The following SNED1 variants were observed in gnomAD, a reference collection of about 807,000 sequenced individuals.
The protein encoded by SNED1 is sushi, nidogen and EGF-like domain-containing protein 1.
SNED1 carries 81 observed loss-of-function variants against 166.7 expected under a neutral mutation model. The observed-to-expected ratio is 0.49, with a 90% CI of 0.41 to 0.58. The LOEUF (loss-of-function observed/expected upper bound fraction) is 0.58. Among genes scored for constraint, SNED1 ranks in the 20% least tolerant of loss-of-function variants. The probability of loss-of-function intolerance (pLI) is 0.00; values close to 1 mark genes in which losing one functional copy is unlikely to be tolerated. For missense variants in SNED1, 1,604 were observed against 2,000.2 expected (o/e 0.80, Z 3.78); for synonymous variants, 762 against 822.0 (o/e 0.93, Z 1.25).
chr2:241,030,310 C>T lies in SNED1; in HGVS notation c.240C>T (p.Phe80=), dbSNP rs368236327. 1 of 1,598,754 alleles carries T rather than the reference C, an allele frequency of 6.3e-7. No homozygotes were observed. The highest frequency in any genetic ancestry group is 8.5e-7 in the Non-Finnish European group (1 of 1,171,310). ...TGAACAACAACGGGATCATCTCCTT[C>T]CTGAAGGAGGTTTCTCAGTTCACCC... ...LYVNNNGIIS[F]LKEVSQFTPV... Residue 80 remains phenylalanine (F), a synonymous_variant, in exon 2 of 32, where the codon TTC becomes TTT. Coordinates refer to ENST00000310397, the MANE Select transcript of SNED1 (RefSeq NM_001080437.3).
At chr2:241,083,471 G>A (rs936889327) in intron 29 of SNED1, among the ~76,000 whole-genome samples, 3 of 152,240 alleles carry the variant, frequency 2.0e-5, no homozygotes, top group Admixed American at 2.0e-4. Context: ...TGGAGAATGG[G>A]ATGTAGACGG....
chr2:241,044,056 A>G (rs2061583382), intron 8 of SNED1, among the ~76,000 whole-genome samples: 1 of 152,236 alleles, frequency 6.6e-6, no homozygotes, highest in African/African-American at 2.4e-5. Flanking sequence ...GAAAAATAAT[A>G]ATAAAGAATT....
At chr2:241,088,774 G>C (rs1053248200) in intron 31 of SNED1, 1 of 274,020 alleles carries the variant, frequency 3.6e-6, no homozygotes, top group African/African-American at 2.2e-5. Context: ...GCACCTGGGA[G>C]GAGGGGCCAC....
intron 31 of SNED1, 33 bp downstream of exon 31, chr2:241,088,435 A>G: frequency 6.3e-7 from 1 of 1,582,058 alleles, no homozygotes; most frequent in Non-Finnish European, 8.7e-7. Context: ...CCACTACCAC[A>G]GAGCTGCTGG....
At chr2:241,066,228 G>A (rs535159382) in intron 21 of SNED1, among the ~76,000 whole-genome samples, 5 of 152,264 alleles carry the variant, frequency 3.3e-5, no homozygotes, top group East Asian at 1.9e-4. Flanking sequence ...GGGGAGGCCC[G>A]GGTTGTGCAC....
In SNED1 at chr2:240,999,613, TG is replaced by T. The variant is rs1428213850; in HGVS notation, c.213+564del. Among the ~76,000 whole-genome samples the T allele has an allele frequency of 6.6e-6, 1 of 152,172 alleles. No homozygotes were observed. The highest frequency in any genetic ancestry group is 6.5e-5 in the Admixed American group (1 of 15,280). Reference sequence around the variant, plus strand: ...GGCTAGCAACAGGCTTGCCCCTCCCTGCCGTCCTCTCCGCAGTCTGGGGGCT... The same window carrying T: ...GGCTAGCAACAGGCTTGCCCCTCCCTCCGTCCTCTCCGCAGTCTGGGGGCT... On this transcript the variant is annotated intron_variant, in intron 1 of 31. Transcript: ENST00000310397. The surrounding 1 kb of genome is among the most constrained non-coding windows in gnomAD (Gnocchi z 5.8).
chr2:241,005,359 AC>A (rs1258861535), intron 1 of SNED1, among the ~76,000 whole-genome samples: 5 of 151,472 alleles, frequency 3.3e-5, no homozygotes, highest in Non-Finnish European at 4.4e-5. Flanking sequence ...GCCCACCATC[AC>A]CCCCAGCTAA....
chr2:240,999,269 C>T lies in SNED1; in HGVS notation c.213+219C>T, dbSNP rs1339868319. Among the ~76,000 whole-genome samples the T allele has an allele frequency of 3.3e-5, 5 of 149,430 alleles. No individual in the cohort carries two copies. Among genetic ancestry groups the T allele is most frequent in the Non-Finnish European group, 7.4e-5 (5 of 67,120 alleles). On this transcript the variant is annotated intron_variant, in intron 1 of 31. Transcript: ENST00000310397. The surrounding 1 kb of genome is among the most constrained non-coding windows in gnomAD (Gnocchi z 5.8). ...GGCGGGGGCGGCAGCCGCCGGGCAC[C>T]GAGGCGGGGGCGAGTGGAGCGCGGC...
rs921570374 is a variant in SNED1, at chr2:241,069,940, C to T, written c.3328C>T (p.Leu1110=). Residue 1110 remains leucine (L), a synonymous_variant, in exon 24 of 32, where the codon CTG becomes TTG. Transcript: ENST00000310397. The surrounding 1 kb of genome is among the most constrained non-coding windows in gnomAD (Gnocchi z 4.9). ...VWTRPLPPAN[L]TAARVTATSA... ...TCCAGGGCCCCTGCCTCCAGCAAAC[C>T]TGACCGCCGCCCGAGTCACTGCCAC... The T allele has an allele frequency of 1.9e-6, 3 of 1,612,622 alleles. No homozygotes were observed. Among genetic ancestry groups the T allele is most frequent in the Non-Finnish European group, 2.5e-6 (3 of 1,179,784 alleles).
chr2:241,018,561 A>G lies in SNED1; in HGVS notation c.214-11723A>G, dbSNP rs951771548. Among the ~76,000 whole-genome samples the G allele has an allele frequency of 1.3e-5, 2 of 152,208 alleles. No homozygotes were observed. Among genetic ancestry groups the G allele is most frequent in the Non-Finnish European group, 2.9e-5 (2 of 68,040 alleles). The stretch of plus-strand genomic sequence containing the variant: ...CTCTTCAGCCAGGAAGCCAGAATGC[A>G]CATCCCAGGAACTTTCACTCACCTT... On this transcript the variant is annotated intron_variant, in intron 1 of 31. Transcript: ENST00000310397. The surrounding 1 kb of genome is among the most constrained non-coding windows in gnomAD (Gnocchi z 5.4).
At chr2:241,026,009 CTTTTTTT>C (rs71404676) in intron 1 of SNED1, among the ~76,000 whole-genome samples, 2,810 of 73,664 alleles carry the variant, frequency 0.038, 106 homozygotes, top group African/African-American at 0.14. Flanking sequence ...TTTTCTTTTC[CTTTTTTT>C]TTTTTTTTTT....
In SNED1 at chr2:241,068,931, G is replaced by A. The variant is rs777704963; in HGVS notation, c.3215G>A (p.Arg1072Lys). The A allele has an allele frequency of 7.7e-6, 12 of 1,553,466 alleles. No individual in the cohort carries two copies. The African/African-American group carries it at 1.5e-4, about 19-fold the overall frequency. ...CACAGGGCCCTGCTGCCTGGGAAGA[G>A]GTACACCATCCAGCTGACCACCCTC... is the stretch of plus-strand genomic sequence containing the variant. ...FTFRALLPGK[R>K]YTIQLTTLSG... The change falls in exon 23 of 32, where the codon AGG (arginine) becomes AAG (lysine). Residue 1072 changes from arginine (R) to lysine (K), a missense_variant. Physicochemically the swap from Arg to Lys is conservative, Grantham distance 26 (BLOSUM62 2). This residue lies in a region of SNED1 where 1,237 missense variants were observed against 1,620.8 expected (regional missense o/e 0.76). Coordinates refer to ENST00000310397, the MANE Select transcript of SNED1 (RefSeq NM_001080437.3). This position sits in a 1 kb window ranked among gnomAD's most constrained non-coding sequence, Gnocchi z 5.3.
chr2:241,026,753 A>G (rs2060983206), intron 1 of SNED1, among the ~76,000 whole-genome samples: 1 of 152,236 alleles, frequency 6.6e-6, no homozygotes, highest in African/African-American at 2.4e-5. Flanking sequence ...AACACATAAC[A>G]TAAAATTTAA....
intron 2 of SNED1, among the ~76,000 whole-genome samples, chr2:241,031,120 G>A (rs114288383): frequency 1.6e-3 from 247 of 152,244 alleles, no homozygotes; most frequent in African/African-American, 5.5e-3. Context: ...AGAGGCGCTG[G>A]GTGCAGAACC....
At position 241,073,554 on chromosome 2, in the gene SNED1, C is replaced by A; in HGVS notation, c.3916+190C>A. The A allele has an allele frequency of 3.1e-6, 2 of 635,164 alleles. No individual in the cohort carries two copies. Among genetic ancestry groups the A allele is most frequent in the Non-Finnish European group, 5.8e-6 (2 of 347,212 alleles). 39.3% of individuals were successfully genotyped at this position (635,164 alleles called of 1,614,324 possible). A position where few individuals can be genotyped will look rare whatever the true frequency, so the allele number is the denominator to read the frequency against. On this transcript the variant is annotated intron_variant, in intron 27 of 31. Transcript: ENST00000310397. This position sits in a 1 kb window ranked among gnomAD's most constrained non-coding sequence, Gnocchi z 6.6. The stretch of plus-strand genomic sequence containing the variant: ...AGCTACACCACCCAAGCAGTGGGAC[C>A]CCACAGACGGGAACAGGCCAGGGGG...
chr2:241,089,633 A>T (rs1325890259), intron 31 of SNED1, among the ~76,000 whole-genome samples: 1 of 152,180 alleles, frequency 6.6e-6, no homozygotes, highest in Non-Finnish European at 1.5e-5. Context: ...CGAGGGAATC[A>T]CTTCCCGCTC....
chr2:241,036,151 T>G (rs1169267920), intron 4 of SNED1, among the ~76,000 whole-genome samples: 1 of 142,674 alleles, frequency 7.0e-6, no homozygotes, highest in Non-Finnish European at 1.5e-5. Flanking sequence ...CGCGCGCTCA[T>G]GGGAAGAGGA....
intron 29 of SNED1, 136 bp downstream of exon 29, chr2:241,082,500 T>C (rs2063378163): frequency 9.5e-6 from 6 of 630,048 alleles, no homozygotes; most frequent in Non-Finnish European, 1.7e-5. Context: ...GCTTTGACCA[T>C]CGATTCCCTC....
Position 241,092,264 on chromosome 2 carries a change from TTTTA to T in SNED1, c.*629_*632del, listed in dbSNP as rs2064076571. 1 of 152,240 alleles carries T rather than the reference TTTTA, an allele frequency of 6.6e-6. No homozygotes were observed. The highest frequency in any genetic ancestry group is 1.5e-5 in the Non-Finnish European group (1 of 68,062). 9.4% of individuals were successfully genotyped at this position (152,240 alleles called of 1,614,324 possible). A position where few individuals can be genotyped will look rare whatever the true frequency, so the allele number is the denominator to read the frequency against. ...TAACACTAAGGTGGAGTTCAGACTT[TTTTA>T]GACAACGGCGCGACTGGCAGCCTTT... is the stretch of plus-strand genomic sequence containing the variant. On this transcript the variant is annotated 3_prime_UTR_variant, in exon 32 of 32. Coordinates refer to ENST00000310397, the MANE Select transcript of SNED1 (RefSeq NM_001080437.3). This position sits in a 1 kb window ranked among gnomAD's most constrained non-coding sequence, Gnocchi z 4.6.
Sources: allele counts gnomAD v4.1 joint callset (sites outside exome capture counted in the v4.1 genomes callset), GRCh38; gene constraint gnomAD v4.1.1; regional missense constraint gnomAD v4.1.1; non-coding constraint Gnocchi (gnomAD v3.1); transcripts MANE v1.5; gene names NCBI Gene and HGNC (gene_info 2026-07-23, HGNC 2026-07-21).